KCTD8: variants seen among roughly 807,000 people sequenced by gnomAD.
KCTD8 encodes BTB/POZ domain-containing protein KCTD8.
Under a neutral mutation model 31.5 loss-of-function variants are expected in KCTD8, and 27 were observed. The ratio of observed to expected loss-of-function variants is 0.86; its 90% CI spans 0.63 to 1.18. The LOEUF is 1.18. Ranked by LOEUF, KCTD8 falls within the 50% of genes most tolerant of loss-of-function variation. The probability of loss-of-function intolerance (pLI) is 0.00; values close to 1 mark genes in which losing one functional copy is unlikely to be tolerated. For synonymous variants in KCTD8, 290 were observed against 280.0 expected (o/e 1.04, Z -0.36); for missense variants, 658 against 647.7 (o/e 1.02, Z -0.17).
intron 1 of KCTD8, among the ~76,000 whole-genome samples, chr4:44,189,250 C>G (rs1713687149): frequency 6.6e-6 from 1 of 152,184 alleles, no homozygotes; most frequent in South Asian, 2.1e-4. Flanking sequence ...AATTCCTATA[C>G]TCAGCCATAA....
At chr4:44,303,989 T>A (rs1227148816) in intron 1 of KCTD8, among the ~76,000 whole-genome samples, 1 of 152,158 alleles carries the variant, frequency 6.6e-6, no homozygotes. Flanking sequence ...TCAATATGTA[T>A]GAAGTTACAC....
At chr4:44,427,968 T>C (rs1194595186) in intron 1 of KCTD8, among the ~76,000 whole-genome samples, 1 of 151,752 alleles carries the variant, frequency 6.6e-6, no homozygotes, top group East Asian at 1.9e-4. Flanking sequence ...GTTTCCCTTG[T>C]CATTTTTGAC....
intron 1 of KCTD8, among the ~76,000 whole-genome samples, chr4:44,443,874 T>C (rs919210006): frequency 6.6e-6 from 1 of 152,190 alleles, no homozygotes; most frequent in Admixed American, 6.5e-5. Flanking sequence ...AATGTCTTTT[T>C]TTGTCTCCCA....
intron 1 of KCTD8, among the ~76,000 whole-genome samples, chr4:44,206,777 C>G (rs1714324703): frequency 6.6e-6 from 1 of 152,124 alleles, no homozygotes; most frequent in East Asian, 1.9e-4. Flanking sequence ...CACTTCTTGG[C>G]TGAAGGTGAC....
In KCTD8 at chr4:44,174,985, G is replaced by A. The variant is rs750441139; in HGVS notation, c.1227C>T (p.Asn409=). 3 of 1,614,114 alleles carry A rather than the reference G, an allele frequency of 1.9e-6. No individual in the cohort carries two copies. Among genetic ancestry groups the A allele is most frequent in the South Asian group, 1.1e-5 (1 of 91,086 alleles). The part of the protein sequence containing the change: ...QWIPPPDKRR[N]SELFQTLISK... ...TGATGAGGGTCTGAAAGAGTTCACT[G>A]TTTCTGCGTTTGTCTGGTGGGGGTA... Residue 409 remains asparagine, a synonymous_variant, in exon 2 of 2, where the codon AAC becomes AAT. Coordinates refer to ENST00000360029, the MANE Select transcript of KCTD8 (RefSeq NM_198353.3).
At position 44,284,595 on chromosome 4, in the gene KCTD8, T is replaced by C. The variant is rs188272650; in HGVS notation, c.962-109345A>G. 1.9e-3 allele frequency among the ~76,000 whole-genome samples: 285 copies of C among 152,262 alleles called. 2 individuals are homozygous for C. Among genetic ancestry groups the C allele is most frequent in the African/African-American group, 6.5e-3 (272 of 41,562 alleles). On this transcript the variant is annotated intron_variant, in intron 1 of 1. Coordinates refer to ENST00000360029, the MANE Select transcript of KCTD8 (RefSeq NM_198353.3). ...TTCATGTCTAAAACACCAAAAGGAA[T>C]GGCAACAAAGCAAAAATTGACAAAT... is the stretch of plus-strand genomic sequence containing the variant.
chr4:44,378,546 T>C (rs1205319565), intron 1 of KCTD8, among the ~76,000 whole-genome samples: 4 of 152,064 alleles, frequency 2.6e-5, no homozygotes, highest in African/African-American at 7.2e-5. Context: ...TATCATATTA[T>C]GGTGGAATGA....
chr4:44,259,798 G>A (rs1187832080), intron 1 of KCTD8, among the ~76,000 whole-genome samples: 1 of 151,798 alleles, frequency 6.6e-6, no homozygotes, highest in African/African-American at 2.4e-5. Context: ...TGAGCAAAAG[G>A]TCTAAAGGCA....
intron 1 of KCTD8, chr4:44,293,474 C>G (rs988461314): frequency 4.4e-6 from 2 of 455,190 alleles, no homozygotes; most frequent in Non-Finnish European, 8.8e-6. Context: ...TCATAAATAG[C>G]CATATATTCA....
At chr4:44,286,818 G>GAGGT (rs1184167556) in intron 1 of KCTD8, among the ~76,000 whole-genome samples, 5 of 152,100 alleles carry the variant, frequency 3.3e-5, no homozygotes, top group Non-Finnish European at 2.9e-5. Context: ...GATTGAATAG[G>GAGGT]AGGTATTGCA....
intron 1 of KCTD8, among the ~76,000 whole-genome samples, chr4:44,195,746 T>C (rs933530167): frequency 2.6e-4 from 39 of 152,192 alleles, no homozygotes; most frequent in African/African-American, 9.4e-4. Context: ...TTACTAACAC[T>C]CTAGAACCAA....
At chr4:44,255,983 G>C (rs1577577646) in intron 1 of KCTD8, among the ~76,000 whole-genome samples, 1 of 151,900 alleles carries the variant, frequency 6.6e-6, no homozygotes, top group African/African-American at 2.4e-5. Context: ...GAGGTTTAAT[G>C]GACTCACAGT....
intron 1 of KCTD8, among the ~76,000 whole-genome samples, chr4:44,199,467 A>G (rs1714065540): frequency 6.6e-6 from 1 of 152,094 alleles, no homozygotes; most frequent in African/African-American, 2.4e-5. Flanking sequence ...CTTGGACCAC[A>G]GGGCAATAAA....
intron 1 of KCTD8, among the ~76,000 whole-genome samples, chr4:44,259,335 C>A (rs534236191): frequency 6.6e-6 from 1 of 151,992 alleles, no homozygotes; most frequent in South Asian, 2.1e-4. Context: ...ATATAATCAG[C>A]CGGTTTCTCT....
intron 1 of KCTD8, among the ~76,000 whole-genome samples, chr4:44,428,100 G>A (rs984654920): frequency 4.6e-5 from 7 of 151,482 alleles, no homozygotes; most frequent in Admixed American, 1.3e-4. Context: ...AAACATGATG[G>A]AAATTAGTTT....
chr4:44,204,573 A>T (rs1714249174), intron 1 of KCTD8, among the ~76,000 whole-genome samples: 1 of 152,058 alleles, frequency 6.6e-6, no homozygotes, highest in South Asian at 2.1e-4. Flanking sequence ...CTTAAAAGGG[A>T]CAGGAATTGC....
At chr4:44,299,771 T>C (rs1249170023) in intron 1 of KCTD8, among the ~76,000 whole-genome samples, 8 of 132,164 alleles carry the variant, frequency 6.1e-5, no homozygotes, top group South Asian at 2.5e-4. Flanking sequence ...TTTTTCCTTT[T>C]CTTTTTTTTT....
intron 1 of KCTD8, among the ~76,000 whole-genome samples, chr4:44,371,475 A>G (rs1719783698): frequency 6.6e-6 from 1 of 152,216 alleles, no homozygotes; most frequent in Non-Finnish European, 1.5e-5. Context: ...GGCACAGAGT[A>G]ATGTCCAATA....
At chr4:44,265,598 C>A (rs1458966730) in intron 1 of KCTD8, among the ~76,000 whole-genome samples, 2 of 152,040 alleles carry the variant, frequency 1.3e-5, no homozygotes, top group African/African-American at 4.8e-5. Context: ...CTACTCCGAG[C>A]TACAGGAGGA....
Sources: gnomAD v4.1 joint callset for allele counts (sites outside exome capture counted in the v4.1 genomes callset) on GRCh38, gnomAD v4.1.1 for gene constraint, MANE v1.5 for transcripts, NCBI Gene and HGNC (gene_info 2026-07-23, HGNC 2026-07-21) for gene names.